ADK: variants seen among roughly 807,000 people sequenced by gnomAD.
ADK encodes N6,N6-dimethyladenosine kinase.
A neutral mutation model predicts 44.7 loss-of-function variants in ADK; 24 were observed. The ratio of observed to expected loss-of-function variants is 0.54; its 90% confidence interval spans 0.39 to 0.76. ADK has a LOEUF of 0.76. Ranked by LOEUF, ADK falls within the 30% of genes least tolerant of loss-of-function variation. ADK has a pLI of 0.00. For missense variants in ADK, 321 were observed against 425.1 expected (o/e 0.76, Z 2.15); for synonymous variants, 128 against 142.6 (o/e 0.90, Z 0.73).
At chr10:74,434,831 A>G (rs751738255) in intron 6 of ADK, among the ~76,000 whole-genome samples, 2 of 152,184 alleles carry the variant, frequency 1.3e-5, no homozygotes, top group Non-Finnish European at 2.9e-5. Context: ...GATCCTATAC[A>G]TTTTGTTTAA....
intron 1 of ADK, among the ~76,000 whole-genome samples, chr10:74,189,901 A>G (rs1036448568): frequency 7.9e-5 from 12 of 152,196 alleles, no homozygotes; most frequent in African/African-American, 2.9e-4. Context: ...TTCAAAGTTC[A>G]TACATGTTGT....
At chr10:74,616,370 A>G (rs182378332) in intron 9 of ADK, among the ~76,000 whole-genome samples, 2 of 152,190 alleles carry the variant, frequency 1.3e-5, no homozygotes, top group East Asian at 3.9e-4. Context: ...AACTAGCACA[A>G]TTCATCTAAG....
chr10:74,433,671 C>T (rs1845077994), intron 6 of ADK, among the ~76,000 whole-genome samples: 1 of 151,858 alleles, frequency 6.6e-6, no homozygotes, highest in South Asian at 2.1e-4. Flanking sequence ...TATTTGAATC[C>T]AATAATCATT....
Position 74,157,885 on chromosome 10 carries a change from A to G in ADK, c.65+6542A>G, listed in dbSNP as rs746926003. ...CCAGCCTGGGCAACAGCGCAACTCC[A>G]TAAATTGAGAGGCACCAACTTACAT... On this transcript the variant is annotated intron_variant, in intron 1 of 10. Coordinates refer to ENST00000539909, the MANE Select transcript of ADK (RefSeq NM_006721.4). 4.2e-4 allele frequency among the ~76,000 whole-genome samples: 64 copies of G among 152,280 alleles called. No individual in the cohort carries two copies. In the Middle Eastern group the frequency reaches 0.017, roughly 40 times the overall value.
intron 10 of ADK, among the ~76,000 whole-genome samples, chr10:74,694,601 C>A (rs1213901386): frequency 6.6e-6 from 1 of 152,000 alleles, no homozygotes; most frequent in Non-Finnish European, 1.5e-5. Flanking sequence ...ACTACCTTAG[C>A]CTCCCGAGTA....
At chr10:74,424,534 TCAAAAAAAA>T (rs1564714073) in intron 6 of ADK, among the ~76,000 whole-genome samples, 1 of 11,926 alleles carries the variant, frequency 8.4e-5, no homozygotes, top group African/African-American at 5.1e-4. Context: ...AAACTCCGTC[TCAAAAAAAA>T]AAAAAAAAAA....
intron 1 of ADK, among the ~76,000 whole-genome samples, chr10:74,165,103 T>C (rs567321744): frequency 6.6e-5 from 10 of 152,160 alleles, no homozygotes; most frequent in Non-Finnish European, 1.2e-4. Context: ...GTTGGAAATG[T>C]TCCCTCCTAG....
chr10:74,646,630 G>A (rs966045720), intron 9 of ADK, among the ~76,000 whole-genome samples: 3 of 152,216 alleles, frequency 2.0e-5, no homozygotes, highest in Admixed American at 2.0e-4. Flanking sequence ...TGCTTTTGAA[G>A]CCTGATAATG....
chr10:74,348,017 G>C (rs1007362519), intron 4 of ADK, among the ~76,000 whole-genome samples: 2 of 152,192 alleles, frequency 1.3e-5, no homozygotes, highest in Non-Finnish European at 1.5e-5. Flanking sequence ...TTCCTGCCTG[G>C]TGGCTCTGAA....
intron 3 of ADK, among the ~76,000 whole-genome samples, chr10:74,288,330 A>G (rs1210090839): frequency 1.3e-5 from 2 of 152,178 alleles, no homozygotes; most frequent in Non-Finnish European, 2.9e-5. Context: ...AGTAGAGATC[A>G]TGTAAATCTG....
intron 1 of ADK, among the ~76,000 whole-genome samples, chr10:74,171,810 C>CTGTG (rs144943440): frequency 1.5e-3 from 210 of 144,086 alleles, no homozygotes; most frequent in South Asian, 7.9e-3. Flanking sequence ...CTCTGTCTCT[C>CTGTG]TGTGTGTGTG....
intron 1 of ADK, among the ~76,000 whole-genome samples, chr10:74,198,154 T>TTTA (rs112573176): frequency 0.21 from 31,412 of 152,046 alleles, 4,387 homozygotes; most frequent in African/African-American, 0.4. Flanking sequence ...TCTAGGAGTT[T>TTTA]TTGTTTGAAT....
At chr10:74,199,254 A>C (rs1843280566) in intron 1 of ADK, among the ~76,000 whole-genome samples, 1 of 152,156 alleles carries the variant, frequency 6.6e-6, no homozygotes, top group African/African-American at 2.4e-5. Context: ...ATCATATGAT[A>C]CTGAAGTTTG....
chr10:74,498,890 T>A (rs1020014571), intron 6 of ADK, among the ~76,000 whole-genome samples: 1 of 152,196 alleles, frequency 6.6e-6, no homozygotes, highest in Non-Finnish European at 1.5e-5. Flanking sequence ...AAAAATGATG[T>A]GTTCATGTCC....
At chr10:74,457,951 G>C (rs1049342117) in intron 6 of ADK, among the ~76,000 whole-genome samples, 4 of 152,008 alleles carry the variant, frequency 2.6e-5, no homozygotes, top group Admixed American at 6.6e-5. Context: ...AACCACCATG[G>C]CATGTGTATA....
chr10:74,198,791 A>C (rs904171813), intron 1 of ADK, among the ~76,000 whole-genome samples: 3 of 152,184 alleles, frequency 2.0e-5, no homozygotes, highest in African/African-American at 7.2e-5. Flanking sequence ...TATGGAAAAC[A>C]GACTTCCTCC....
At chr10:74,257,266 C>T (rs1941003637) in intron 3 of ADK, among the ~76,000 whole-genome samples, 1 of 152,136 alleles carries the variant, frequency 6.6e-6, no homozygotes, top group Admixed American at 6.6e-5. Context: ...TCTGTATGCG[C>T]AAGTTTCGTA....
chr10:74,298,892 G>C (rs925895114), intron 3 of ADK, among the ~76,000 whole-genome samples: 2 of 152,066 alleles, frequency 1.3e-5, no homozygotes, highest in Non-Finnish European at 2.9e-5. Context: ...TCAGCCTGGG[G>C]AGCATAGCAA....
chr10:74,348,263 C>T (rs1841843290), intron 4 of ADK, among the ~76,000 whole-genome samples: 1 of 152,170 alleles, frequency 6.6e-6, no homozygotes, highest in Admixed American at 6.5e-5. Flanking sequence ...TGCTGTTCTG[C>T]AGCCTCCATT....
Sources: gnomAD v4.1 joint callset for allele counts (sites outside exome capture counted in the v4.1 genomes callset) on GRCh38, gnomAD v4.1.1 for gene constraint, MANE v1.5 for transcripts, NCBI Gene and HGNC (gene_info 2026-07-23, HGNC 2026-07-21) for gene names.